The following KRI1 variants were observed in gnomAD, a reference collection of about 807,000 sequenced individuals.
KRI1 encodes the protein protein KRI1 homolog.
A neutral mutation model predicts 97.0 loss-of-function variants in KRI1; 83 were observed. That is an observed-to-expected ratio of 0.86 (90% CI 0.72 to 1.03). The LOEUF (loss-of-function observed/expected upper bound fraction) is 1.03. Ranked by LOEUF, KRI1 falls within the 50% of genes least tolerant of loss-of-function variation. The probability of loss-of-function intolerance (pLI) is 0.00; values close to 1 mark genes in which losing one functional copy is unlikely to be tolerated. For synonymous variants in KRI1, 371 were observed against 363.5 expected, an observed-to-expected ratio of 1.02 and a Z score of -0.23; for missense variants, 916 against 928.4, an observed-to-expected ratio of 0.99 and a Z score of 0.17.
At chr19:10,562,288 G>T (rs1390069180) in intron 4 of KRI1, among the ~76,000 whole-genome samples, 1 of 151,964 alleles carries the variant, frequency 6.6e-6, no homozygotes, top group East Asian at 1.9e-4. Flanking sequence ...GACCTCAGGT[G>T]ATCTGCCCGC....
chr19:10,558,965 A>G (rs561814025), intron 12 of KRI1, among the ~76,000 whole-genome samples: 1 of 150,212 alleles, frequency 6.7e-6, no homozygotes. Flanking sequence ...TCGGCCTCCC[A>G]AAGTGCTGGG....
At chr19:10,562,346 G>A (rs545756211) in intron 4 of KRI1, among the ~76,000 whole-genome samples, 84 of 151,552 alleles carry the variant, frequency 5.5e-4, no homozygotes, top group African/African-American at 1.8e-3. Context: ...CACCATGCCC[G>A]GCCTTTTTTC....
rs748107012 is a variant in KRI1 at position 10,553,269 on chromosome 19, C to G, written c.*682G>C. On this transcript the variant is annotated 3_prime_UTR_variant, in exon 19 of 19. Transcript: ENST00000312962. ...CCTGTCTCCCACCAGCGGGGCCCTC[C>G]TGGCAGGGTAGGGAAGGAGGACCCC... 3 of 668,050 alleles carry G rather than the reference C, an allele frequency of 4.5e-6. No individual in the cohort carries two copies. Among genetic ancestry groups the G allele is most frequent in the Non-Finnish European group, 7.1e-6 (3 of 423,052 alleles). The allele number at this position is 668,050 out of a possible 1,614,324, so 41.4% of individuals were successfully genotyped here.
intron 3 of KRI1, 78 bp downstream of exon 3, chr19:10,564,851 C>G: frequency 1.1e-6 from 1 of 905,298 alleles, no homozygotes; most frequent in South Asian, 1.3e-5. Flanking sequence ...CAAGTCACTT[C>G]TCTGAATCCA....
chr19:10,561,052 C>T lies in KRI1; in HGVS notation c.614G>A (p.Trp205Ter), dbSNP rs1414761298. 1.9e-6 allele frequency: 3 copies of T among 1,614,172 alleles called. No individual in the cohort carries two copies. In the Admixed American group the frequency reaches 5.0e-5, roughly 27 times the overall value. ...CCGAATCTCTTTCTGTCCCTTCAGC[C>T]ACTCGATGTAGTCGGCCTCCTCCTG... is the stretch of plus-strand genomic sequence containing the variant. ...KAQEEADYIE[W>*]LKGQKEIRNP... The change falls in exon 8 of 19, where the codon TGG becomes TAG. Residue 205 changes from tryptophan (W) to a stop codon, truncating the protein, a stop_gained. Transcript: ENST00000312962. LOFTEE classifies it high-confidence loss of function.
At position 10,557,850 on chromosome 19, in the gene KRI1, C is replaced by G. The variant is rs752487701; in HGVS notation, c.1405G>C (p.Glu469Gln). 3.2e-5 allele frequency: 51 copies of G among 1,613,590 alleles called. No homozygotes were observed. Among genetic ancestry groups the G allele is most frequent in the Non-Finnish European group, 4.3e-5 (51 of 1,179,950 alleles). Residue 469 changes from glutamate to glutamine, a missense_variant, in exon 15 of 19, where the codon GAG (glutamate) becomes CAG (glutamine). Glu to Gln is a conservative substitution (Grantham distance 29). Around this residue, in one of 3 missense-constraint regions of KRI1, gnomAD observed 672 missense variants for 667.2 expected, o/e 1.01. Coordinates refer to ENST00000312962, the MANE Select transcript of KRI1 (RefSeq NM_023008.5). ...TTCTTCTTGCCCGTCAAGGGGGCCT[C>G]GCGCTTTTTCTTCCTCGGCTGGCTG... ...DPSQPRKKKREAPLTGKKKRK... is the reference protein window; with the variant it reads ...DPSQPRKKKRQAPLTGKKKRK...
intron 16 of KRI1, among the ~76,000 whole-genome samples, chr19:10,555,944 GCTAT>G (rs1168367957): frequency 6.6e-6 from 1 of 152,210 alleles, no homozygotes; most frequent in Non-Finnish European, 1.5e-5. Context: ...AAGTTGGGGT[GCTAT>G]CAATTATTGT....
chr19:10,555,428 G>C, intron 16 of KRI1, 79 bp from the exon 17 acceptor site: 1 of 1,480,208 alleles, frequency 6.8e-7, no homozygotes, highest in Non-Finnish European at 9.4e-7. Context: ...CATGTCATTA[G>C]TCAAAACGGT....
In KRI1 at chr19:10,554,162, T is replaced by C. The variant is rs1396335432; in HGVS notation, c.1901A>G (p.Glu634Gly). 6.2e-7 allele frequency: 1 copy of C among 1,613,998 alleles called. No individual in the cohort carries two copies. Among genetic ancestry groups the C allele is most frequent in the South Asian group, 1.1e-5 (1 of 91,082 alleles). The change falls in exon 19 of 19, where the codon GAG becomes GGG. Residue 634 changes from glutamate (E) to glycine (G), a missense_variant. Physicochemically the swap from Glu to Gly is moderately conservative, Grantham distance 98. Coordinates refer to ENST00000312962, the MANE Select transcript of KRI1 (RefSeq NM_023008.5). ...CTTGTGGGGTGATACAGGGGCTTCCTCTTCCTGTGCTGGGGGACTCTCCGG... is the reference window on the plus strand; with the variant it reads ...CTTGTGGGGTGATACAGGGGCTTCCCCTTCCTGTGCTGGGGGACTCTCCGG... Reference protein sequence around the residue: ...MGPESPPAQEEEAPVSPHKKP... With the variant: ...MGPESPPAQEGEAPVSPHKKP...
In KRI1 at chr19:10,565,818, C is replaced by A. The variant is rs775551896; in HGVS notation, c.95-28G>T. 31 of 1,550,082 alleles carry A rather than the reference C, an allele frequency of 2.0e-5. No individual in the cohort carries two copies. In the South Asian group the frequency reaches 2.7e-4, roughly 14 times the overall value. ...GCGGGACACAGACGGGATGCCCCCC[C>A]CCAGGTCAGCCGGCGGGGCCACTCG... On this transcript the variant is annotated intron_variant, in intron 1 of 18. Coordinates refer to ENST00000312962, the MANE Select transcript of KRI1 (RefSeq NM_023008.5).
At chr19:10,564,192 G>A (rs1415199565) in intron 3 of KRI1, among the ~76,000 whole-genome samples, 3 of 151,612 alleles carry the variant, frequency 2.0e-5, no homozygotes, top group Non-Finnish European at 4.4e-5. Flanking sequence ...TGGGCGCAGT[G>A]GCTCACGCCT....
At chr19:10,554,423 G>A (rs1015671969) in intron 18 of KRI1, 142 bp from the exon 19 acceptor site, 9 of 710,020 alleles carry the variant, frequency 1.3e-5, no homozygotes, top group Non-Finnish European at 1.6e-5. Flanking sequence ...CTGGGATTCA[G>A]ACCTGGGTTT....
rs200311568 is a variant in KRI1 at position 10,555,094 on chromosome 19, G to C, written c.1774C>G (p.Arg592Gly). Residue 592 changes from arginine to glycine, a missense_variant, in exon 18 of 19, where the codon CGA (arginine) becomes GGA (glycine). Arg to Gly is a moderately radical substitution (Grantham distance 125). Around this residue, in one of 3 missense-constraint regions of KRI1, gnomAD observed 672 missense variants for 667.2 expected, o/e 1.01. Coordinates refer to ENST00000312962, the MANE Select transcript of KRI1 (RefSeq NM_023008.5). ...CCAGCCAGCACTGCTTACTCTTCTC[G>C]GCAGAGTGACTTGAAGACCTGCCGC... ...KKRQVFKSLC[R>G]EEAETPAEAT... The C allele has an allele frequency of 6.3e-5, 102 of 1,613,660 alleles. No homozygotes were observed. The highest frequency in any genetic ancestry group is 2.7e-4 in the African/African-American group (20 of 75,016).
At position 10,561,007 on chromosome 19, in the gene KRI1, T is replaced by C; in HGVS notation, c.659A>G (p.Glu220Gly). The C allele has an allele frequency of 2.5e-6, 4 of 1,613,446 alleles. No individual in the cohort carries two copies. Among genetic ancestry groups the C allele is most frequent in the Non-Finnish European group, 3.4e-6 (4 of 1,179,384 alleles). ...KEIRNPDSLK[E>G]LTHLKEYWND... ...CGACCATGCGTGAGAACTCACCAGT[T>C]CCTTCAGGGAATCTGGGTTCCGAAT... Residue 220 changes from glutamate (E) to glycine (G), a missense_variant, in exon 8 of 19, where the codon GAA (glutamate) becomes GGA (glycine). By Grantham distance (98) the Glu-to-Gly change is moderately conservative. This residue lies in a region of KRI1 where 672 missense variants were observed against 667.2 expected (regional missense o/e 1.01). Coordinates refer to ENST00000312962, the MANE Select transcript of KRI1 (RefSeq NM_023008.5).
chr19:10,557,285 T>A (rs1916530493), intron 16 of KRI1, among the ~76,000 whole-genome samples: 1 of 151,924 alleles, frequency 6.6e-6, no homozygotes, highest in African/African-American at 2.4e-5. Flanking sequence ...TTTTGTATTT[T>A]TAGTAGAGAC....
intron 3 of KRI1, among the ~76,000 whole-genome samples, chr19:10,563,065 T>G (rs921539408): frequency 6.6e-6 from 1 of 151,300 alleles, no homozygotes; most frequent in Non-Finnish European, 1.5e-5. Flanking sequence ...TATTTACTTA[T>G]TTTTTTTTGA....
intron 3 of KRI1, among the ~76,000 whole-genome samples, chr19:10,564,540 C>G (rs983929114): frequency 3.9e-5 from 6 of 152,112 alleles, no homozygotes; most frequent in Non-Finnish European, 7.3e-5. Context: ...GACCCTCCCA[C>G]CTCAGCCTCC....
At position 10,553,247 on chromosome 19, in the gene KRI1, G is replaced by A. The variant is rs1916363447; in HGVS notation, c.*704C>T. 6.4e-6 allele frequency: 5 copies of A among 782,774 alleles called. No homozygotes were observed. The highest frequency in any genetic ancestry group is 1.7e-5 in the African/African-American group (1 of 57,546). 48.5% of individuals were successfully genotyped at this position (782,774 alleles called of 1,614,324 possible). On this transcript the variant is annotated 3_prime_UTR_variant, in exon 19 of 19. Coordinates refer to ENST00000312962, the MANE Select transcript of KRI1 (RefSeq NM_023008.5). ...CAGAGCCCACAGAGCCCATACACCT[G>A]TCTCCCACCAGCGGGGCCCTCCTGG...
At position 10,565,558 on chromosome 19, in the gene KRI1, G is replaced by C. The variant is rs1040470380; in HGVS notation, c.168+159C>G. ...GGGGATTTGGCTCCCCTGGGGAGAG[G>C]GGGGGCACTGTCTGTCCCTCATGGG... On this transcript the variant is annotated intron_variant, in intron 2 of 18. Coordinates refer to ENST00000312962, the MANE Select transcript of KRI1 (RefSeq NM_023008.5). The C allele has an allele frequency of 2.7e-5, 25 of 919,858 alleles. No homozygotes were observed. The East Asian group carries it at 3.2e-4, about 12-fold the overall frequency. The allele number at this position is 919,858 out of a possible 1,614,324, so 57.0% of individuals were successfully genotyped here.
Sources: allele counts gnomAD v4.1 joint callset (sites outside exome capture counted in the v4.1 genomes callset), GRCh38; gene constraint gnomAD v4.1.1; regional missense constraint gnomAD v4.1.1; transcripts MANE v1.5; gene names NCBI Gene and HGNC (gene_info 2026-07-23, HGNC 2026-07-21).